The following PRDM15 variants were observed in gnomAD, a reference collection of about 807,000 sequenced individuals.
PRDM15 encodes the protein PR/SET domain 15, also known as PR domain zinc finger protein 15.
PRDM15 carries 64 observed loss-of-function variants against 128.6 expected under a neutral mutation model. The ratio of observed to expected loss-of-function variants is 0.50; its 90% confidence interval spans 0.41 to 0.61. The LOEUF is 0.61. Among genes scored for constraint, PRDM15 ranks in the 20% least tolerant of loss-of-function variants. PRDM15 has a pLI of 0.00. For synonymous variants in PRDM15, 615 were observed against 621.8 expected (o/e 0.99, Z 0.16); for missense variants, 1,242 against 1,569.1 (o/e 0.79, Z 3.52).
In PRDM15 at chr21:41,821,823, T is replaced by C. The variant is rs564053290; in HGVS notation, c.1896+80A>G. On this transcript the variant is annotated intron_variant, in intron 15 of 23. Coordinates refer to ENST00000398548, the MANE Select transcript of PRDM15 (RefSeq NM_001040424.3). The surrounding 1 kb of genome is among the most constrained non-coding windows in gnomAD (Gnocchi z 5.4). ...TGCTTCCGAGATGCATGAAGGTGCCTGCTGTGTGGGGCCCACAGCCTTGAA... is the reference window on the plus strand; with the variant it reads ...TGCTTCCGAGATGCATGAAGGTGCCCGCTGTGTGGGGCCCACAGCCTTGAA... 8,707 of 1,546,618 alleles carry C rather than the reference T, an allele frequency of 5.6e-3. 41 individuals carry two copies. The highest frequency in any genetic ancestry group is 6.3e-3 in the Non-Finnish European group (7,131 of 1,128,534).
At chr21:41,819,480 CACCTTCCCCACACT>C in intron 18 of PRDM15, 88 bp downstream of exon 18, 3 of 1,131,572 alleles carry the variant, frequency 2.7e-6, no homozygotes, top group Non-Finnish European at 2.4e-6. Context: ...CCGCCACACC[CACCTTCCCCACACT>C]CCCAGTTCTC....
At chr21:41,807,261 A>G (rs1238425071) in intron 21 of PRDM15, among the ~76,000 whole-genome samples, 3 of 152,246 alleles carry the variant, frequency 2.0e-5, no homozygotes, top group African/African-American at 7.2e-5. Flanking sequence ...AAAGAGAAAA[A>G]CCATAGCTTG....
At chr21:41,807,357 T>C (rs966765638) in intron 21 of PRDM15, among the ~76,000 whole-genome samples, 3 of 152,208 alleles carry the variant, frequency 2.0e-5, no homozygotes, top group African/African-American at 7.2e-5. Context: ...AGTTAAACTA[T>C]AACTAGTTTA....
At position 41,859,757 on chromosome 21, in the gene PRDM15, G is replaced by A. The variant is rs968191089; in HGVS notation, c.38-72C>T. 1 of 1,312,626 alleles carries A rather than the reference G, an allele frequency of 7.6e-7. No individual in the cohort carries two copies. The highest frequency in any genetic ancestry group is 1.5e-5 in the African/African-American group (1 of 68,264). 81.3% of individuals were successfully genotyped at this position (1,312,626 alleles called of 1,614,324 possible). On this transcript the variant is annotated intron_variant, in intron 2 of 23. Transcript: ENST00000398548. This position sits in a 1 kb window ranked among gnomAD's most constrained non-coding sequence, Gnocchi z 5.3. ...CTAAAGAACACAAACCTGGGAAATG[G>A]GGACCCTGGCCCCATGAGGGTGACC...
At chr21:41,830,065 AAC>A (rs1413852343) in intron 11 of PRDM15, among the ~76,000 whole-genome samples, 4 of 151,014 alleles carry the variant, frequency 2.6e-5, no homozygotes, top group African/African-American at 7.3e-5. Context: ...CCACACATTC[AAC>A]ACACACACCA....
rs142366934 is a variant in PRDM15, at chr21:41,847,169, G to A, written c.561C>T (p.Ser187=). The A allele has an allele frequency of 1.8e-4, 282 of 1,553,232 alleles. No homozygotes were observed. Among genetic ancestry groups the A allele is most frequent in the Non-Finnish European group, 2.3e-4 (264 of 1,147,554 alleles). Residue 187 remains serine, a synonymous_variant, in exon 6 of 24, where the codon AGC becomes AGT. Coordinates refer to ENST00000398548, the MANE Select transcript of PRDM15 (RefSeq NM_001040424.3). ...GVHAAGTPEN[S]APVESEPSQW... is the part of the protein sequence containing the mutation. ...GGCTGGGCTCCGACTCCACGGGGGC[G>A]CTGTTTTCTGGGGTGCCTGCAGCTT...
At chr21:41,804,730 C>T (rs2061510607) in intron 21 of PRDM15, 116 bp from the exon 22 acceptor site, 2 of 693,474 alleles carry the variant, frequency 2.9e-6, no homozygotes, top group Admixed American at 6.0e-5. Context: ...CCCTCCCAGG[C>T]ATCCCCCGCA....
At chr21:41,866,372 T>C (rs2064008765) in intron 1 of PRDM15, among the ~76,000 whole-genome samples, 1 of 152,208 alleles carries the variant, frequency 6.6e-6, no homozygotes, top group South Asian at 2.1e-4. Context: ...CCTAGCAAGG[T>C]TCCAATGCTA....
chr21:41,814,913 A>C (rs1220877648), intron 19 of PRDM15: 34 of 113,818 alleles, frequency 3.0e-4, no homozygotes, highest in South Asian at 8.3e-4. Context: ...CTAGTGTTTT[A>C]TAAGATCTTG....
At chr21:41,856,250 C>T (rs1346614143) in intron 4 of PRDM15, among the ~76,000 whole-genome samples, 1 of 39,584 alleles carries the variant, frequency 2.5e-5, no homozygotes, top group East Asian at 7.1e-4. Flanking sequence ...CCTTCCTTCC[C>T]TCCCTCCCCT....
At chr21:41,813,188 C>T (rs1006652831) in intron 19 of PRDM15, 1 of 152,208 alleles carries the variant, frequency 6.6e-6, no homozygotes, top group Non-Finnish European at 1.5e-5. Context: ...TTTTTAAAGG[C>T]ACTTAACTCA....
chr21:41,836,439 C>CT (rs3216763), intron 9 of PRDM15, 29 bp downstream of exon 9: 249,900 of 1,593,396 alleles, frequency 0.16, 21,816 homozygotes, highest in East Asian at 0.23. Context: ...GCCCTGGCCC[C>CT]GGGCGCCAGC....
At position 41,859,478 on chromosome 21, in the gene PRDM15, G is replaced by C; in HGVS notation, c.131+114C>G. Reference sequence around the variant, plus strand: ...GAGCGGAATCGCTGGCTCTCACTCAGAGTGCCTCTGTTCTCCCTCAGGCTC... The same window carrying C: ...GAGCGGAATCGCTGGCTCTCACTCACAGTGCCTCTGTTCTCCCTCAGGCTC... On this transcript the variant is annotated intron_variant, in intron 3 of 23. Transcript: ENST00000398548. The surrounding 1 kb of genome is among the most constrained non-coding windows in gnomAD (Gnocchi z 5.3). 2.4e-6 allele frequency: 2 copies of C among 846,628 alleles called. No homozygotes were observed. The highest frequency in any genetic ancestry group is 3.7e-6 in the Non-Finnish European group (2 of 539,438). The allele number at this position is 846,628 out of a possible 1,614,324, so 52.4% of individuals were successfully genotyped here. A position where few individuals can be genotyped will look rare whatever the true frequency, so the allele number is the denominator to read the frequency against.
intron 7 of PRDM15, 33 bp downstream of exon 7, chr21:41,839,590 C>A: frequency 3.1e-6 from 5 of 1,592,386 alleles, no homozygotes; most frequent in South Asian, 1.1e-5. Flanking sequence ...CTGCGCCCCA[C>A]GCAGGCACTC....
intron 14 of PRDM15, among the ~76,000 whole-genome samples, chr21:41,822,267 C>T (rs2062304507): frequency 6.6e-6 from 1 of 152,250 alleles, no homozygotes; most frequent in Non-Finnish European, 1.5e-5. Flanking sequence ...CCCGCGGCTT[C>T]CTCTCACATG....
At chr21:41,834,774 C>T (rs765428583) in intron 11 of PRDM15, among the ~76,000 whole-genome samples, 6 of 152,226 alleles carry the variant, frequency 3.9e-5, no homozygotes, top group Non-Finnish European at 7.3e-5. Flanking sequence ...CCTTGGCTTT[C>T]CTTTGGTCTG....
At chr21:41,823,029 C>CA (rs33972733) in intron 14 of PRDM15, among the ~76,000 whole-genome samples, 5,592 of 89,442 alleles carry the variant, frequency 0.063, 177 homozygotes, top group Middle Eastern at 0.094. Context: ...GACTCCGTCT[C>CA]AAAAAAAAAA....
chr21:41,836,692 A>G, intron 8 of PRDM15, 43 bp from the exon 9 acceptor site: 1 of 1,539,596 alleles, frequency 6.5e-7, no homozygotes, highest in South Asian at 1.2e-5. Flanking sequence ...CAGGTGGGAA[A>G]AAAGTTCCAG....
Position 41,810,385 on chromosome 21 carries a change from A to G in PRDM15, c.2477-56T>C. The stretch of plus-strand genomic sequence containing the variant: ...GTGGAAAGGAAGAGACACGCAGGTC[A>G]CTAGTGCAGCCATCCCAATGACCCT... On this transcript the variant is annotated intron_variant, in intron 20 of 23. Coordinates refer to ENST00000398548, the MANE Select transcript of PRDM15 (RefSeq NM_001040424.3). The surrounding 1 kb of genome is among the most constrained non-coding windows in gnomAD (Gnocchi z 6.4). The G allele has an allele frequency of 6.4e-7, 1 of 1,553,590 alleles. No homozygotes were observed. The highest frequency in any genetic ancestry group is 8.7e-7 in the Non-Finnish European group (1 of 1,144,082).
Sources: gnomAD v4.1 joint callset for allele counts (sites outside exome capture counted in the v4.1 genomes callset) on GRCh38, gnomAD v4.1.1 for gene constraint, Gnocchi (gnomAD v3.1) non-coding constraint, MANE v1.5 for transcripts, NCBI Gene and HGNC (gene_info 2026-07-23, HGNC 2026-07-21) for gene names.